The following HDX variants were observed in gnomAD, a reference collection of about 807,000 sequenced individuals.
The protein encoded by HDX is highly divergent homeobox.
Under a neutral mutation model 45.2 loss-of-function variants are expected in HDX, and 19 were observed. That is an observed-to-expected ratio of 0.42 (90% confidence interval 0.29 to 0.62). The LOEUF is 0.62. HDX is among the 20% of genes least tolerant of loss of function. The probability of loss-of-function intolerance (pLI) is 0.20; values close to 1 mark genes in which losing one functional copy is unlikely to be tolerated. For missense variants in HDX, 532 were observed against 493.9 expected, an observed-to-expected ratio of 1.08 and a Z score of -0.73; for synonymous variants, 188 against 172.8, an observed-to-expected ratio of 1.09 and a Z score of -0.69.
At chrX:84,344,090 A>G (rs1467583732) in intron 7 of HDX, among the ~76,000 whole-genome samples, 160 bp downstream of exon 7, 1 of 111,831 alleles carries the variant, frequency 8.9e-6, no homozygotes, top group African/African-American at 3.2e-5. Context: ...ATGATGCAGG[A>G]GACTGTTTAG....
intron 6 of HDX, among the ~76,000 whole-genome samples, chrX:84,358,953 G>C (rs767131118): frequency 9.0e-6 from 1 of 111,193 alleles, no homozygotes; most frequent in Non-Finnish European, 1.9e-5. Context: ...GCTCACAAGC[G>C]TCAACTGTTA....
chrX:84,486,261 A>G, intron 2 of HDX, among the ~76,000 whole-genome samples: 1 of 111,598 alleles, frequency 9.0e-6, no homozygotes, highest in South Asian at 3.7e-4. Context: ...AACCTCAATG[A>G]CAACTATCTA....
chrX:84,376,518 T>G (rs1215891146), intron 5 of HDX, among the ~76,000 whole-genome samples: 1 of 110,992 alleles, frequency 9.0e-6, no homozygotes, highest in Non-Finnish European at 1.9e-5. Context: ...TCCCTGAAAG[T>G]TGAGTCTCAG....
intron 4 of HDX, among the ~76,000 whole-genome samples, chrX:84,452,708 A>C (rs1023126564): frequency 8.9e-6 from 1 of 111,864 alleles, no homozygotes; most frequent in Non-Finnish European, 1.9e-5. Context: ...CAGAGGCAGT[A>C]AGAATGTGTG....
rs776837093 is a variant in HDX at position 84,468,993 on chromosome X, A to G, written c.730T>C (p.Cys244Arg). The change falls in exon 4 of 11, where the codon TGT (cysteine) becomes CGT (arginine). Residue 244 changes from cysteine to arginine, a missense_variant. Around this residue, in one of 3 missense-constraint regions of HDX, gnomAD observed 376 missense variants for 343.7 expected, o/e 1.09. Coordinates refer to ENST00000373177, the MANE Select transcript of HDX (RefSeq NM_001177479.2). Reference sequence around the variant, plus strand: ...TCTCTAATAGTTGGCTTTTGCCCACATAAGTTATGTAATGCTGGGCCTGTG... The same window carrying G: ...TCTCTAATAGTTGGCTTTTGCCCACGTAAGTTATGTAATGCTGGGCCTGTG... ...EHTGPALHNLCGQKPTIRDPY... is the reference protein window; with the variant it reads ...EHTGPALHNLRGQKPTIRDPY... The G allele has an allele frequency of 2.1e-5, 25 of 1,210,109 alleles. No individual in the cohort carries two copies. The South Asian group carries it at 2.5e-4, about 12-fold the overall frequency.
At chrX:84,407,366 C>T (rs1201170819) in intron 5 of HDX, among the ~76,000 whole-genome samples, 1 of 111,230 alleles carries the variant, frequency 9.0e-6, no homozygotes, top group Non-Finnish European at 1.9e-5. Context: ...TAACTCCATT[C>T]ATGTTGGGGC....
intron 5 of HDX, among the ~76,000 whole-genome samples, chrX:84,406,047 T>G (rs907647879): frequency 1.8e-5 from 2 of 110,732 alleles, no homozygotes; most frequent in African/African-American, 6.6e-5. Context: ...AAACACAATA[T>G]GTGTCCGTGA....
In HDX at chrX:84,469,441, C is replaced by A; in HGVS notation, c.282G>T (p.Gln94His). ...NVVNIARPSS[Q>H]QSSWTSANND... is the part of the protein sequence containing the mutation. ...TATTGGCAGATGTCCAAGAAGACTGCTGGCTTGAGGGTCGAGCAATATTAA... is the reference window on the plus strand; with the variant it reads ...TATTGGCAGATGTCCAAGAAGACTGATGGCTTGAGGGTCGAGCAATATTAA... The change falls in exon 4 of 11, where the codon CAG becomes CAT. Residue 94 changes from glutamine to histidine, a missense_variant. Coordinates refer to ENST00000373177, the MANE Select transcript of HDX (RefSeq NM_001177479.2). The A allele has an allele frequency of 3.3e-6, 4 of 1,211,148 alleles. No individual in the cohort carries two copies. The South Asian group carries it at 7.0e-5, about 21-fold the overall frequency.
At chrX:84,447,447 T>A (rs1367304843) in intron 4 of HDX, among the ~76,000 whole-genome samples, 1 of 111,188 alleles carries the variant, frequency 9.0e-6, no homozygotes, top group Non-Finnish European at 1.9e-5. Context: ...TGACACCCAG[T>A]AGTACACATT....
chrX:84,423,500 A>AAAG (rs1556015249), intron 5 of HDX, among the ~76,000 whole-genome samples: 3 of 99,383 alleles, frequency 3.0e-5, no homozygotes, highest in South Asian at 4.9e-4. Context: ...AAAAAAAAAA[A>AAAG]AGAGAGAGAG....
intron 6 of HDX, among the ~76,000 whole-genome samples, chrX:84,352,724 A>C (rs1218642605): frequency 8.9e-6 from 1 of 112,144 alleles, no homozygotes; most frequent in African/African-American, 3.2e-5. Flanking sequence ...ATAACGTTGA[A>C]AATGGATTGC....
chrX:84,395,266 A>C (rs1385882248), intron 5 of HDX, among the ~76,000 whole-genome samples: 3 of 110,744 alleles, frequency 2.7e-5, no homozygotes, highest in Non-Finnish European at 5.7e-5. Flanking sequence ...TAGTTGTGAT[A>C]AATTCTATCA....
At chrX:84,436,291 G>A (rs1455909727) in intron 5 of HDX, among the ~76,000 whole-genome samples, 4 of 67,693 alleles carry the variant, frequency 5.9e-5, no homozygotes, top group Admixed American at 2.0e-4. Flanking sequence ...GGTGGGGGGA[G>A]GGGGGAGGGA....
rs762493621 is a variant in HDX, at chrX:84,483,462, C to A, written c.-1+4562G>T. 4.4e-5 allele frequency among the ~76,000 whole-genome samples: 5 copies of A among 112,688 alleles called. No homozygotes were observed. The East Asian group carries it at 1.4e-3, about 32-fold the overall frequency. ...CAAGGTTTAGGTGGCTTTGCACCCT[C>A]TGGTGCAATGGCCTGAGCTGTATGT... is the stretch of plus-strand genomic sequence containing the variant. On this transcript the variant is annotated intron_variant, in intron 2 of 10. Transcript: ENST00000373177.
At chrX:84,448,164 T>C (rs946966707) in intron 4 of HDX, among the ~76,000 whole-genome samples, 1 of 111,430 alleles carries the variant, frequency 9.0e-6, no homozygotes, top group Non-Finnish European at 1.9e-5. Context: ...CTTGAGTGCC[T>C]GAGGACAGGT....
chrX:84,492,911 C>CTTTTT (rs11390246), intron 1 of HDX, among the ~76,000 whole-genome samples: 2 of 96,626 alleles, frequency 2.1e-5, no homozygotes, highest in Non-Finnish European at 4.2e-5. Context: ...TTACAAAAAG[C>CTTTTT]TTTTTTTTTT....
At chrX:84,385,196 CTTTTTTTTTTTTTTTTTTTTTTTTTT>C (rs146043472) in intron 5 of HDX, among the ~76,000 whole-genome samples, 1 of 29,528 alleles carries the variant, frequency 3.4e-5, no homozygotes, top group Non-Finnish European at 5.3e-5. Flanking sequence ...TCTCTGATTT[CTTTTTTTTTTTTTTTTTTTTTTTTTT>C]TTTTTTTTTG....
chrX:84,479,490 G>C (rs1017616467), intron 2 of HDX, among the ~76,000 whole-genome samples: 4 of 112,178 alleles, frequency 3.6e-5, no homozygotes, highest in African/African-American at 1.3e-4. Context: ...GTTCTTGGCT[G>C]TTATGAATAA....
chrX:84,409,822 G>T (rs1241629184), intron 5 of HDX, among the ~76,000 whole-genome samples: 3 of 106,984 alleles, frequency 2.8e-5, no homozygotes, highest in Non-Finnish European at 5.8e-5. Flanking sequence ...TGTATACATA[G>T]GTAACAAACC....
Sources: gnomAD v4.1 joint callset for allele counts (sites outside exome capture counted in the v4.1 genomes callset) on GRCh38, gnomAD v4.1.1 for gene constraint, gnomAD v4.1.1 regional missense constraint, MANE v1.5 for transcripts, NCBI Gene and HGNC (gene_info 2026-07-23, HGNC 2026-07-21) for gene names.